Variants in ANKS3 observed in about 807,000 individuals in gnomAD.
ANKS3 encodes the protein ankyrin repeat and sterile alpha motif domain containing 3.
Under a neutral mutation model 80.7 loss-of-function variants are expected in ANKS3, and 62 were observed. The ratio of observed to expected loss-of-function variants is 0.77; its 90% CI spans 0.63 to 0.95. The LOEUF is 0.95. Among genes scored for constraint, ANKS3 ranks in the 40% least tolerant of loss-of-function variants. ANKS3 has a pLI of 0.00. For synonymous variants in ANKS3, 489 were observed against 355.3 expected, an observed-to-expected ratio of 1.38 and a Z score of -4.23; for missense variants, 1,150 against 883.6, an observed-to-expected ratio of 1.30 and a Z score of -3.82.
intron 8 of ANKS3, 56 bp from the exon 9 acceptor site, chr16:4,702,298 G>T (rs1443447561): frequency 2.1e-6 from 3 of 1,404,652 alleles, no homozygotes. Flanking sequence ...AACCTCCTCA[G>T]AGGCCGAGGC....
chr16:4,710,282 A>G (rs2080414572), intron 7 of ANKS3, among the ~76,000 whole-genome samples: 1 of 152,220 alleles, frequency 6.6e-6, no homozygotes, highest in Non-Finnish European at 1.5e-5. Flanking sequence ...TCACCTCGAA[A>G]TGATAAATGT....
rs772418443 is a variant in ANKS3 at position 4,726,640 on chromosome 16, C to T, written c.491+19G>A. Reference sequence around the variant, plus strand: ...GACACCTAGGCCACTCCTGTGGCCACTAAAGATGTGGCAATCACCTCACGT... The same window carrying T: ...GACACCTAGGCCACTCCTGTGGCCATTAAAGATGTGGCAATCACCTCACGT... On this transcript the variant is annotated intron_variant, in intron 5 of 17. Coordinates refer to ENST00000304283, the MANE Select transcript of ANKS3 (RefSeq NM_133450.4). The T allele has an allele frequency of 6.2e-7, 1 of 1,612,008 alleles. No homozygotes were observed. Among genetic ancestry groups the T allele is most frequent in the Non-Finnish European group, 8.5e-7 (1 of 1,178,436 alleles).
intron 1 of ANKS3, among the ~76,000 whole-genome samples, chr16:4,732,578 A>G (rs2142180762): frequency 1.3e-5 from 2 of 148,332 alleles, no homozygotes; most frequent in Middle Eastern, 6.8e-3. Flanking sequence ...AGTACTCAGG[A>G]GGCTGAGGCA....
chr16:4,696,608 T>C lies in ANKS3; in HGVS notation c.*300A>G, dbSNP rs2079566129. ...ACCTCAGTTGGCACCTGTGCGTGTA[T>C]ATGGATACACTTTCCCCCCAGGGCC... On this transcript the variant is annotated 3_prime_UTR_variant, in exon 18 of 18. Coordinates refer to ENST00000304283, the MANE Select transcript of ANKS3 (RefSeq NM_133450.4). 1 of 224,746 alleles carries C rather than the reference T, an allele frequency of 4.4e-6. No homozygotes were observed. The highest frequency in any genetic ancestry group is 2.3e-5 in the African/African-American group (1 of 43,526). 13.9% of individuals were successfully genotyped at this position (224,746 alleles called of 1,614,324 possible). A position where few individuals can be genotyped will look rare whatever the true frequency, so the allele number is the denominator to read the frequency against.
chr16:4,730,276 G>T, intron 2 of ANKS3, 125 bp from the exon 3 acceptor site: 1 of 900,094 alleles, frequency 1.1e-6, no homozygotes, highest in Non-Finnish European at 1.5e-6. Context: ...GTCAACCCCG[G>T]GAGTAACTCA....
At chr16:4,701,350 A>G (rs2079891736) in intron 10 of ANKS3, 84 bp downstream of exon 10, 6 of 1,389,760 alleles carry the variant, frequency 4.3e-6, no homozygotes, top group African/African-American at 2.9e-5. Flanking sequence ...TCTTACATAC[A>G]TGCTCATCTT....
intron 7 of ANKS3, among the ~76,000 whole-genome samples, chr16:4,708,891 A>G (rs1303470880): frequency 6.6e-6 from 1 of 151,656 alleles, no homozygotes; most frequent in East Asian, 1.9e-4. Context: ...GTGAGCCGAG[A>G]TCGCGCCACT....
Position 4,720,579 on chromosome 16 carries a change from C to G in ANKS3, c.573+4171G>C, listed in dbSNP as rs1311320692. 1.3e-5 allele frequency among the ~76,000 whole-genome samples: 2 copies of G among 151,376 alleles called. 1 individual carries two copies. Among genetic ancestry groups the G allele is most frequent in the Non-Finnish European group, 3.0e-5 (2 of 67,724 alleles). ...GAACCCACCTCACACAACAAAGACT[C>G]TACTTTGAAGAACACATCCTAAGCT... On this transcript the variant is annotated intron_variant, in intron 6 of 17. Transcript: ENST00000304283.
Position 4,730,067 on chromosome 16 carries a change from A to T in ANKS3, c.83T>A (p.Val28Asp), listed in dbSNP as rs760123083. 1 of 1,593,174 alleles carries T rather than the reference A, an allele frequency of 6.3e-7. No homozygotes were observed. The change falls in exon 3 of 18, where the codon GTC becomes GAC. Residue 28 changes from valine to aspartate, a missense_variant. Transcript: ENST00000304283. ...GGGGACATCCAGCTCCTCCCCGCTG[A>T]CCTGTGTCCCGAGCCCGTGCCACAT... is the stretch of plus-strand genomic sequence containing the variant. ...LSMWHGLGTQ[V>D]SGEELDVPLD...
chr16:4,704,947 C>T, intron 8 of ANKS3, 148 bp downstream of exon 8: 1 of 1,034,192 alleles, frequency 9.7e-7, no homozygotes, highest in Non-Finnish European at 1.4e-6. Flanking sequence ...CCTGAGTCTC[C>T]CTGAGCATGA....
intron 7 of ANKS3, among the ~76,000 whole-genome samples, chr16:4,707,181 A>AAAG (rs766168043): frequency 6.6e-6 from 1 of 152,230 alleles, no homozygotes; most frequent in Non-Finnish European, 1.5e-5. Context: ...AGCAGCTTAA[A>AAAG]AAGAACAGGC....
rs998573512 is a variant in ANKS3 at position 4,721,131 on chromosome 16, C to A, written c.573+3619G>T. The stretch of plus-strand genomic sequence containing the variant: ...CCATCCTGGCTAACGCGGTGAAACC[C>A]CGTCTCTACTAAAAATATGAAAAAT... On this transcript the variant is annotated intron_variant, in intron 6 of 17. Transcript: ENST00000304283. 3.3e-5 allele frequency among the ~76,000 whole-genome samples: 5 copies of A among 149,662 alleles called. No homozygotes were observed. The East Asian group carries it at 5.9e-4, about 18-fold the overall frequency.
At chr16:4,726,136 C>A (rs1242887702) in intron 5 of ANKS3, among the ~76,000 whole-genome samples, 1 of 151,836 alleles carries the variant, frequency 6.6e-6, no homozygotes, top group African/African-American at 2.4e-5. Context: ...TCACCATGCC[C>A]AGCTAATTTT....
At position 4,725,890 on chromosome 16, in the gene ANKS3, C is replaced by A. The variant is rs181488178; in HGVS notation, c.491+769G>T. ...GGCCAGACTGGTCTCGAACTCCTGACCTCATGATCTGCCCGCCTTGGCCTC... is the reference window on the plus strand; with the variant it reads ...GGCCAGACTGGTCTCGAACTCCTGAACTCATGATCTGCCCGCCTTGGCCTC... On this transcript the variant is annotated intron_variant, in intron 5 of 17. Transcript: ENST00000304283. Among the ~76,000 whole-genome samples the A allele has an allele frequency of 9.1e-3, 1,378 of 151,938 alleles. 15 individuals carry two copies. The highest frequency in any genetic ancestry group is 0.016 in the Non-Finnish European group (1,058 of 67,986).
intron 8 of ANKS3, 126 bp from the exon 9 acceptor site, chr16:4,702,368 G>C: frequency 2.0e-6 from 2 of 1,008,512 alleles, no homozygotes; most frequent in South Asian, 2.4e-5. Flanking sequence ...CTGCGACCTG[G>C]CATGGCTCTA....
At chr16:4,714,344 G>A (rs1403114338) in intron 6 of ANKS3, 158 bp from the exon 7 acceptor site, 5 of 1,102,280 alleles carry the variant, frequency 4.5e-6, no homozygotes, top group Non-Finnish European at 6.4e-6. Context: ...AGGCTTGTCT[G>A]CACCGCAGCC....
In ANKS3 at chr16:4,712,741, G is replaced by A. The variant is rs184923409; in HGVS notation, c.709+1310C>T. On this transcript the variant is annotated intron_variant, in intron 7 of 17. Coordinates refer to ENST00000304283, the MANE Select transcript of ANKS3 (RefSeq NM_133450.4). The stretch of plus-strand genomic sequence containing the variant: ...AACGTGGCATTTCCACTAAGATCAG[G>A]ACCAAGGTAAGGAGGCTCACTATCT... Among the ~76,000 whole-genome samples, 19 of 152,282 alleles carry A rather than the reference G, an allele frequency of 1.2e-4. 1 individual carries two copies. The highest frequency in any genetic ancestry group is 4.3e-4 in the African/African-American group (18 of 41,528).
intron 6 of ANKS3, among the ~76,000 whole-genome samples, chr16:4,719,416 A>T (rs1241371735): frequency 1.3e-5 from 2 of 152,184 alleles, no homozygotes; most frequent in African/African-American, 4.8e-5. Context: ...AAATGACTCT[A>T]AACTTACAAG....
chr16:4,715,310 T>C (rs537344452), intron 6 of ANKS3, among the ~76,000 whole-genome samples: 37 of 152,284 alleles, frequency 2.4e-4, no homozygotes, highest in African/African-American at 7.2e-4. Flanking sequence ...CAATACAGCA[T>C]GTTTTTGGTG....
Sources: allele counts gnomAD v4.1 joint callset (sites outside exome capture counted in the v4.1 genomes callset), GRCh38; gene constraint gnomAD v4.1.1; transcripts MANE v1.5; gene names NCBI Gene and HGNC (gene_info 2026-07-23, HGNC 2026-07-21).